NRG2: variants seen among roughly 807,000 people sequenced by gnomAD.
NRG2 encodes the protein neuregulin 2, also known as pro-neuregulin-2, membrane-bound isoform.
A neutral mutation model predicts 73.9 loss-of-function variants in NRG2; 27 were observed. That is an observed-to-expected ratio of 0.37 (90% CI 0.27 to 0.50). NRG2 has a LOEUF of 0.50. Ranked by LOEUF, NRG2 falls within the 20% of genes least tolerant of loss-of-function variation. NRG2 has a pLI of 0.96. For synonymous variants in NRG2, 532 were observed against 541.0 expected (o/e 0.98, Z 0.23); for missense variants, 1,126 against 1,210.1 (o/e 0.93, Z 1.03).
At chr5:140,032,177 G>A (rs552315368) in intron 1 of NRG2, among the ~76,000 whole-genome samples, 43 of 152,274 alleles carry the variant, frequency 2.8e-4, no homozygotes, top group African/African-American at 1.0e-3. Context: ...GCATGAACAG[G>A]CCAGATTAAG....
chr5:140,041,847 G>C (rs1038762927), intron 1 of NRG2, among the ~76,000 whole-genome samples: 1 of 152,126 alleles, frequency 6.6e-6, no homozygotes, highest in South Asian at 2.1e-4. Flanking sequence ...AGAGCAACGA[G>C]CCCAGGAGAG....
chr5:140,005,712 C>T (rs981452965), intron 1 of NRG2, among the ~76,000 whole-genome samples: 6 of 152,194 alleles, frequency 3.9e-5, no homozygotes, highest in African/African-American at 1.4e-4. Flanking sequence ...AGTCTAGCCC[C>T]AGCTCCTCAG....
chr5:139,935,415 T>A (rs1752773216), intron 1 of NRG2, among the ~76,000 whole-genome samples: 1 of 152,204 alleles, frequency 6.6e-6, no homozygotes, highest in African/African-American at 2.4e-5. Flanking sequence ...ACGATATATT[T>A]GTTTCAAGTG....
intron 1 of NRG2, among the ~76,000 whole-genome samples, chr5:140,004,509 G>A (rs1402946534): frequency 6.6e-6 from 1 of 152,160 alleles, no homozygotes. Context: ...CCAGTAAGAT[G>A]CCCTCGGAAA....
chr5:139,948,632 T>C (rs146416236), intron 1 of NRG2, among the ~76,000 whole-genome samples: 103 of 152,390 alleles, frequency 6.8e-4, no homozygotes, highest in African/African-American at 2.4e-3. Context: ...CCAGGAGGTC[T>C]GGACTTTATC....
rs181934176 is a variant in NRG2 at position 139,917,687 on chromosome 5, T to C, written c.701-30176A>G. ...TTGACTCATTTTTTCCCCAGTTTTA[T>C]TGAGGTATAATTGACAAATAAATTG... On this transcript the variant is annotated intron_variant, in intron 1 of 9. Coordinates refer to ENST00000361474, the MANE Select transcript of NRG2 (RefSeq NM_004883.3). Among the ~76,000 whole-genome samples, 67 of 152,332 alleles carry C rather than the reference T, an allele frequency of 4.4e-4. 3 individuals carry two copies. The highest frequency in any genetic ancestry group is 4.3e-3 in the Admixed American group (66 of 15,296).
At chr5:139,885,389 G>A (rs1380072539) in intron 2 of NRG2, among the ~76,000 whole-genome samples, 2 of 152,250 alleles carry the variant, frequency 1.3e-5, no homozygotes, top group Non-Finnish European at 2.9e-5. Flanking sequence ...GAGCCAGGAA[G>A]TGCAAAGATA....
At chr5:139,965,770 C>T (rs776408055) in intron 1 of NRG2, among the ~76,000 whole-genome samples, 49 of 152,196 alleles carry the variant, frequency 3.2e-4, no homozygotes, top group Non-Finnish European at 6.2e-4. Flanking sequence ...CAGGAGTGCT[C>T]ACTAGTACAA....
chr5:139,994,311 T>C lies in NRG2; in HGVS notation c.700+48059A>G, dbSNP rs1757868863. On this transcript the variant is annotated intron_variant, in intron 1 of 9. Transcript: ENST00000361474. ...GAGACACATGAATACAAGAGCAAAC[T>C]CTTATTTGAGAACAATTGCAAACTC... Among the ~76,000 whole-genome samples the C allele has an allele frequency of 2.0e-5, 3 of 152,342 alleles. No homozygotes were observed. In the South Asian group the frequency reaches 6.2e-4, roughly 32 times the overall value.
At chr5:140,030,010 A>G (rs920576843) in intron 1 of NRG2, among the ~76,000 whole-genome samples, 1 of 152,150 alleles carries the variant, frequency 6.6e-6, no homozygotes, top group Non-Finnish European at 1.5e-5. Flanking sequence ...CCAAAGCCAC[A>G]TTGCTAGTAG....
chr5:139,861,107 C>T (rs1309709051), intron 5 of NRG2, among the ~76,000 whole-genome samples: 2 of 152,236 alleles, frequency 1.3e-5, no homozygotes, highest in Non-Finnish European at 2.9e-5. Flanking sequence ...GTGGGTAAGC[C>T]ATAATCCCTG....
intron 1 of NRG2, among the ~76,000 whole-genome samples, chr5:139,914,146 C>A (rs989482526): frequency 6.6e-6 from 1 of 152,022 alleles, no homozygotes; most frequent in Admixed American, 6.6e-5. Flanking sequence ...GGTGACAGAC[C>A]CTGTCTCAGA....
At chr5:140,035,385 A>T (rs573354366) in intron 1 of NRG2, among the ~76,000 whole-genome samples, 1 of 152,336 alleles carries the variant, frequency 6.6e-6, no homozygotes, top group Admixed American at 6.5e-5. Flanking sequence ...TACAGTGTTT[A>T]TCATATTCTA....
intron 1 of NRG2, among the ~76,000 whole-genome samples, chr5:139,934,850 G>A (rs1024697300): frequency 1.3e-5 from 2 of 152,156 alleles, no homozygotes; most frequent in South Asian, 2.1e-4. Flanking sequence ...TAATGAAAAA[G>A]GGATTCATTC....
chr5:139,957,307 C>CTGTGTGTGTGTG (rs70988722), intron 1 of NRG2, among the ~76,000 whole-genome samples: 2 of 143,886 alleles, frequency 1.4e-5, no homozygotes, highest in Admixed American at 6.9e-5. Flanking sequence ...TCAAGAATCT[C>CTGTGTGTGTGTG]TGTGTGTGTG....
chr5:139,887,586 G>C lies in NRG2; in HGVS notation c.701-75C>G. 2 of 1,371,018 alleles carry C rather than the reference G, an allele frequency of 1.5e-6. No individual in the cohort carries two copies. The highest frequency in any genetic ancestry group is 2.0e-6 in the Non-Finnish European group (2 of 979,252). 84.9% of individuals were successfully genotyped at this position (1,371,018 alleles called of 1,614,324 possible). A position where few individuals can be genotyped will look rare whatever the true frequency, so the allele number is the denominator to read the frequency against. ...CCAAGCATGAGTAGTGGAGAGTAAG[G>C]GCCACTGTCTTTGGGCTGGAACTGG... On this transcript the variant is annotated intron_variant, in intron 1 of 9. Transcript: ENST00000361474. This position sits in a 1 kb window ranked among gnomAD's most constrained non-coding sequence, Gnocchi z 4.5.
intron 5 of NRG2, among the ~76,000 whole-genome samples, chr5:139,864,490 G>T (rs571049821): frequency 1.3e-5 from 2 of 150,538 alleles, no homozygotes; most frequent in Non-Finnish European, 2.9e-5. Context: ...AGACCACAGA[G>T]GTGCTGAGAG....
intron 1 of NRG2, among the ~76,000 whole-genome samples, chr5:139,964,975 C>T (rs1003382445): frequency 3.0e-4 from 45 of 152,248 alleles, no homozygotes; most frequent in African/African-American, 1.1e-3. Context: ...CTGGGGCTGG[C>T]TTTCACTCTC....
intron 1 of NRG2, among the ~76,000 whole-genome samples, chr5:139,897,261 T>A (rs1159844734): frequency 1.3e-5 from 2 of 152,188 alleles, no homozygotes; most frequent in Admixed American, 1.3e-4. Flanking sequence ...TCATTCCTTG[T>A]CTGTGAAACA....
Sources: gnomAD v4.1 joint callset for allele counts (sites outside exome capture counted in the v4.1 genomes callset) on GRCh38, gnomAD v4.1.1 for gene constraint, Gnocchi (gnomAD v3.1) non-coding constraint, MANE v1.5 for transcripts, NCBI Gene and HGNC (gene_info 2026-07-23, HGNC 2026-07-21) for gene names.